CCSER1: variants seen among roughly 807,000 people sequenced by gnomAD.
The protein encoded by CCSER1 is serine-rich coiled-coil domain-containing protein 1.
A neutral mutation model predicts 82.0 loss-of-function variants in CCSER1; 41 were observed. That is an observed-to-expected ratio of 0.50 (90% CI 0.39 to 0.65). CCSER1 has a LOEUF of 0.65. CCSER1 is among the 30% of genes least tolerant of loss of function. CCSER1 has a pLI of 0.00. For missense variants in CCSER1, 1,119 were observed against 1,064.2 expected, an observed-to-expected ratio of 1.05 and a Z score of -0.72; for synonymous variants, 414 against 383.9, an observed-to-expected ratio of 1.08 and a Z score of -0.92.
At chr4:91,523,411 C>T (rs569198200) in intron 10 of CCSER1, among the ~76,000 whole-genome samples, 1 of 152,276 alleles carries the variant, frequency 6.6e-6, no homozygotes, top group Non-Finnish European at 1.5e-5. Context: ...GGAGGATTCC[C>T]TCTTTTTCTG....
chr4:90,566,471 T>C (rs765536415), intron 5 of CCSER1, among the ~76,000 whole-genome samples: 5 of 152,132 alleles, frequency 3.3e-5, no homozygotes, highest in Admixed American at 2.6e-4. Context: ...TCCTGGGCTT[T>C]TCTGTGATGG....
intron 10 of CCSER1, among the ~76,000 whole-genome samples, chr4:91,093,247 A>G (rs918803643): frequency 6.6e-6 from 1 of 152,188 alleles, no homozygotes; most frequent in East Asian, 1.9e-4. Context: ...AGCTGCTCCC[A>G]TCCACGTATA....
chr4:91,392,317 T>C (rs1027118308), intron 10 of CCSER1, among the ~76,000 whole-genome samples: 1 of 151,066 alleles, frequency 6.6e-6, no homozygotes, highest in Admixed American at 6.6e-5. Context: ...TTATATTTTC[T>C]GGTGTAGACA....
chr4:91,467,858 G>A (rs1757015584), intron 10 of CCSER1, among the ~76,000 whole-genome samples: 1 of 152,190 alleles, frequency 6.6e-6, no homozygotes, highest in Non-Finnish European at 1.5e-5. Context: ...AACAATAGGT[G>A]CTGGAGAGGA....
rs70965498 is a variant in CCSER1, at chr4:91,446,676, AAT to A, written c.2218-151880_2218-151879del. Among the ~76,000 whole-genome samples the A allele has an allele frequency of 9.1e-5, 13 of 142,534 alleles. 1 individual carries two copies. Among genetic ancestry groups the A allele is most frequent in the African/African-American group, 2.0e-4 (8 of 39,224 alleles). The allele number at this position is 142,534 out of a possible 152,430, so 93.5% of individuals were successfully genotyped here. ...TACAAATATATATTTTAAATAAATA[AAT>A]ATATATATATATATAATAGTCCTGC... On this transcript the variant is annotated intron_variant, in intron 10 of 10. Transcript: ENST00000509176.
chr4:90,854,917 T>G (rs1002111987), intron 8 of CCSER1, among the ~76,000 whole-genome samples: 3 of 152,014 alleles, frequency 2.0e-5, no homozygotes, highest in Non-Finnish European at 1.5e-5. Context: ...CTGGGAGGCC[T>G]TAGGAAACTT....
At chr4:91,111,785 G>A (rs1420631079) in intron 10 of CCSER1, among the ~76,000 whole-genome samples, 1 of 145,842 alleles carries the variant, frequency 6.9e-6, no homozygotes, top group Non-Finnish European at 1.5e-5. Context: ...AATCACTGAA[G>A]CAAGAAATAC....
chr4:90,750,349 G>A (rs924809555), intron 7 of CCSER1, among the ~76,000 whole-genome samples: 6 of 152,076 alleles, frequency 3.9e-5, no homozygotes, highest in South Asian at 4.1e-4. Flanking sequence ...TGCTAGGGAC[G>A]GAAGGAGAAG....
At chr4:91,517,903 G>C (rs551631148) in intron 10 of CCSER1, among the ~76,000 whole-genome samples, 32 of 135,878 alleles carry the variant, frequency 2.4e-4, no homozygotes, top group Middle Eastern at 4.0e-3. Context: ...GGTTTCACAG[G>C]GGGGGTATGA....
chr4:91,426,330 T>C (rs974517708), intron 10 of CCSER1, among the ~76,000 whole-genome samples: 1 of 152,164 alleles, frequency 6.6e-6, no homozygotes, highest in African/African-American at 2.4e-5. Context: ...TTATTGTGAA[T>C]AGTGCTGCAA....
chr4:90,484,221 A>G (rs1766595380), intron 5 of CCSER1, among the ~76,000 whole-genome samples: 2 of 152,258 alleles, frequency 1.3e-5, no homozygotes, highest in Non-Finnish European at 2.9e-5. Flanking sequence ...TTTTGGCTCC[A>G]TGAGGTCCTT....
intron 10 of CCSER1, among the ~76,000 whole-genome samples, chr4:91,116,449 T>C (rs1033480122): frequency 6.6e-6 from 1 of 152,178 alleles, no homozygotes; most frequent in African/African-American, 2.4e-5. Flanking sequence ...AAATCCCTGC[T>C]AGGTAATTTA....
At chr4:90,595,405 T>C (rs1783212298) in intron 5 of CCSER1, among the ~76,000 whole-genome samples, 1 of 151,978 alleles carries the variant, frequency 6.6e-6, no homozygotes, top group Non-Finnish European at 1.5e-5. Flanking sequence ...TCAGGCAAAA[T>C]TGAACATATT....
At chr4:91,231,107 TC>T (rs967350307) in intron 10 of CCSER1, among the ~76,000 whole-genome samples, 3 of 151,824 alleles carry the variant, frequency 2.0e-5, no homozygotes, top group Non-Finnish European at 4.4e-5. Flanking sequence ...AGAATCCTTA[TC>T]AAAATTAAAA....
chr4:90,639,440 T>A (rs1726078765), intron 6 of CCSER1, among the ~76,000 whole-genome samples: 1 of 152,036 alleles, frequency 6.6e-6, no homozygotes, highest in Non-Finnish European at 1.5e-5. Flanking sequence ...TTGACACCAC[T>A]CCACAAAAGT....
At chr4:90,540,568 A>G (rs1775980205) in intron 5 of CCSER1, among the ~76,000 whole-genome samples, 1 of 152,116 alleles carries the variant, frequency 6.6e-6, no homozygotes, top group Admixed American at 6.6e-5. Flanking sequence ...TGTAGTTAAT[A>G]TTTTGATGAC....
intron 10 of CCSER1, among the ~76,000 whole-genome samples, chr4:91,418,267 A>C (rs574182070): frequency 1.5e-4 from 23 of 150,660 alleles, no homozygotes; most frequent in African/African-American, 5.6e-4. Flanking sequence ...CTAGAAAAAC[A>C]ATATATAAAT....
intron 8 of CCSER1, among the ~76,000 whole-genome samples, chr4:90,840,042 T>C (rs1762382621): frequency 6.6e-6 from 1 of 152,108 alleles, no homozygotes; most frequent in African/African-American, 2.4e-5. Flanking sequence ...ATATATGTTA[T>C]ATAATCCATA....
At chr4:90,491,090 G>A (rs1767938009) in intron 5 of CCSER1, among the ~76,000 whole-genome samples, 1 of 152,070 alleles carries the variant, frequency 6.6e-6, no homozygotes, top group Admixed American at 6.6e-5. Flanking sequence ...GAATGCCATT[G>A]AAACTATAAA....
Sources: allele counts gnomAD v4.1 joint callset (sites outside exome capture counted in the v4.1 genomes callset), GRCh38; gene constraint gnomAD v4.1.1; transcripts MANE v1.5; gene names NCBI Gene and HGNC (gene_info 2026-07-23, HGNC 2026-07-21).